Variants in ITGA9 observed in about 807,000 individuals in gnomAD.
ITGA9 encodes the protein integrin subunit alpha 9, also known as integrin alpha-9.
Under a neutral mutation model 127.8 loss-of-function variants are expected in ITGA9, and 56 were observed. That is an observed-to-expected ratio of 0.44 (90% CI 0.35 to 0.55). The LOEUF (loss-of-function observed/expected upper bound fraction) is 0.55. Among genes scored for constraint, ITGA9 ranks in the 20% least tolerant of loss-of-function variants. ITGA9 has a pLI of 0.00. For synonymous variants in ITGA9, 508 were observed against 514.5 expected (o/e 0.99, Z 0.17); for missense variants, 1,196 against 1,347.1 (o/e 0.89, Z 1.76).
intron 18 of ITGA9, among the ~76,000 whole-genome samples, chr3:37,702,979 C>T (rs1460593502): frequency 6.6e-5 from 10 of 152,018 alleles, no homozygotes; most frequent in Non-Finnish European, 1.3e-4. Context: ...CTCTGCCTCC[C>T]GGAAGGTTCC....
chr3:37,466,867 A>G (rs1189812679), intron 1 of ITGA9, among the ~76,000 whole-genome samples: 1 of 152,220 alleles, frequency 6.6e-6, no homozygotes, highest in East Asian at 1.9e-4. Flanking sequence ...TGGTAACCAT[A>G]GCAGAAAGGA....
intron 17 of ITGA9, among the ~76,000 whole-genome samples, chr3:37,680,412 G>T (rs1405181341): frequency 6.6e-6 from 1 of 152,142 alleles, no homozygotes. Context: ...GAAGTTGCCT[G>T]GCTGCTTCCC....
At chr3:37,554,381 CAA>C (rs1334796933) in intron 15 of ITGA9, among the ~76,000 whole-genome samples, 1 of 151,738 alleles carries the variant, frequency 6.6e-6, no homozygotes, top group Admixed American at 6.6e-5. Context: ...CCAGTGTGGG[CAA>C]AGAGGTCAGA....
At chr3:37,470,360 T>C (rs1698417814) in intron 1 of ITGA9, among the ~76,000 whole-genome samples, 1 of 152,200 alleles carries the variant, frequency 6.6e-6, no homozygotes, top group African/African-American at 2.4e-5. Flanking sequence ...CTAGTTACTC[T>C]ATATCCTTGC....
chr3:37,501,369 G>T (rs1698785378), intron 5 of ITGA9, among the ~76,000 whole-genome samples: 1 of 152,082 alleles, frequency 6.6e-6, no homozygotes, highest in South Asian at 2.1e-4. Context: ...GTGTTTTTAT[G>T]TGATGACTTC....
chr3:37,544,221 T>A lies in ITGA9; in HGVS notation c.1689+1636T>A, dbSNP rs557466317. On this transcript the variant is annotated intron_variant, in intron 15 of 27. Transcript: ENST00000264741. Reference sequence around the variant, plus strand: ...ACTGGCTATGAGATGCCACGTAGAGTGGCAATAGTGAAGTGCAGGCCAGAG... The same window carrying A: ...ACTGGCTATGAGATGCCACGTAGAGAGGCAATAGTGAAGTGCAGGCCAGAG... 3.9e-5 allele frequency among the ~76,000 whole-genome samples: 6 copies of A among 152,248 alleles called. 1 individual carries two copies. The South Asian group carries it at 1.2e-3, about 32-fold the overall frequency.
chr3:37,680,070 T>G (rs1407748897), intron 17 of ITGA9, among the ~76,000 whole-genome samples: 1 of 152,112 alleles, frequency 6.6e-6, no homozygotes, highest in African/African-American at 2.4e-5. Context: ...GAATGTGGGT[T>G]ATGTTGGAGA....
At chr3:37,815,164 A>G (rs1697415545) in intron 27 of ITGA9, among the ~76,000 whole-genome samples, 2 of 152,238 alleles carry the variant, frequency 1.3e-5, no homozygotes, top group South Asian at 4.1e-4. Flanking sequence ...TTGCATACAT[A>G]AAAACTTGAG....
rs890237300 is a variant in ITGA9, at chr3:37,563,826, T to C, written c.1689+21241T>C. Among the ~76,000 whole-genome samples, 5 of 152,346 alleles carry C rather than the reference T, an allele frequency of 3.3e-5. No homozygotes were observed. The East Asian group carries it at 9.6e-4, about 29-fold the overall frequency. On this transcript the variant is annotated intron_variant, in intron 15 of 27. Coordinates refer to ENST00000264741, the MANE Select transcript of ITGA9 (RefSeq NM_002207.3). Reference sequence around the variant, plus strand: ...CATACCTTTTTATTTCAGTCCCTGGTGTTTTTGTCATCTTGTGTGGCAGTG... The same window carrying C: ...CATACCTTTTTATTTCAGTCCCTGGCGTTTTTGTCATCTTGTGTGGCAGTG...
intron 12 of ITGA9, among the ~76,000 whole-genome samples, chr3:37,525,680 CCAACATATTATCATTT>C (rs1218282454): frequency 6.6e-6 from 1 of 152,028 alleles, no homozygotes; most frequent in Admixed American, 6.5e-5. Context: ...CCCAATATAG[CCAACATATTATCATTT>C]CAACATATAA....
Position 37,777,475 on chromosome 3 carries a change from C to T in ITGA9, c.2625C>T (p.His875=), listed in dbSNP as rs774809749. ...IIPQEQENIF[H]TIFAFFTKSG... ...CTCAAGAACAAGAAAATATCTTCCA[C>T]ACAATATTTGCTTTTTTCACAAAGT... The change falls in exon 24 of 28, where the codon CAC becomes CAT. Residue 875 remains histidine (H), a synonymous_variant. Coordinates refer to ENST00000264741, the MANE Select transcript of ITGA9 (RefSeq NM_002207.3). The T allele has an allele frequency of 6.2e-7, 1 of 1,614,060 alleles. No homozygotes were observed. The highest frequency in any genetic ancestry group is 1.1e-5 in the South Asian group (1 of 91,086).
chr3:37,572,113 G>T (rs1398883104), intron 15 of ITGA9, among the ~76,000 whole-genome samples: 4 of 152,018 alleles, frequency 2.6e-5, no homozygotes, highest in African/African-American at 9.7e-5. Context: ...CCTGGATCCT[G>T]CCCTGTAAAC....
At chr3:37,627,047 G>T (rs562502159) in intron 15 of ITGA9, among the ~76,000 whole-genome samples, 1 of 152,270 alleles carries the variant, frequency 6.6e-6, no homozygotes, top group Admixed American at 6.5e-5. Flanking sequence ...CTGGGGTTGT[G>T]TGCTTTGCTC....
chr3:37,490,975 C>CACT (rs548395527), intron 4 of ITGA9, among the ~76,000 whole-genome samples: 9 of 105,104 alleles, frequency 8.6e-5, no homozygotes, highest in Non-Finnish European at 1.8e-4. Flanking sequence ...TTCCCCCCCG[C>CACT]TTTTTTTTTT....
At chr3:37,502,899 C>G (rs938526964) in intron 5 of ITGA9, among the ~76,000 whole-genome samples, 1 of 152,178 alleles carries the variant, frequency 6.6e-6, no homozygotes, top group East Asian at 1.9e-4. Flanking sequence ...GTTGAGGAAA[C>G]GTGTGTGGTC....
chr3:37,805,901 G>C (rs1253707888), intron 27 of ITGA9: 1 of 148,144 alleles, frequency 6.8e-6, no homozygotes, highest in East Asian at 2.0e-4. Context: ...TTGAACTCTT[G>C]ACCTCAGGTG....
At chr3:37,656,027 C>A (rs1700474255) in intron 17 of ITGA9, among the ~76,000 whole-genome samples, 1 of 152,050 alleles carries the variant, frequency 6.6e-6, no homozygotes, top group South Asian at 2.1e-4. Flanking sequence ...TATTTCTAGG[C>A]CTCTGTTCTG....
At chr3:37,459,052 A>C (rs769298793) in intron 1 of ITGA9, among the ~76,000 whole-genome samples, 1 of 152,212 alleles carries the variant, frequency 6.6e-6, no homozygotes, top group African/African-American at 2.4e-5. Context: ...AAAAATCTAC[A>C]GTCTTTGAAA....
intron 18 of ITGA9, among the ~76,000 whole-genome samples, chr3:37,732,339 A>G (rs963992790): frequency 1.3e-5 from 2 of 151,990 alleles, no homozygotes; most frequent in African/African-American, 4.8e-5. Flanking sequence ...CCAAGATCTG[A>G]AAAGGCAGGA....
Sources: allele counts gnomAD v4.1 joint callset (sites outside exome capture counted in the v4.1 genomes callset), GRCh38; gene constraint gnomAD v4.1.1; transcripts MANE v1.5; gene names NCBI Gene and HGNC (gene_info 2026-07-23, HGNC 2026-07-21).